Variants in CNOT2 observed in about 807,000 individuals in gnomAD.
CNOT2 encodes CC chemokine receptor 4-negative regulator of transcription 2.
A neutral mutation model predicts 72.1 loss-of-function variants in CNOT2; 7 were observed. The ratio of observed to expected loss-of-function variants is 0.10; its 90% CI spans 0.06 to 0.18. The LOEUF (loss-of-function observed/expected upper bound fraction) is 0.18. CNOT2 is among the 10% of genes least tolerant of loss of function. The pLI is 1.00. For synonymous variants in CNOT2, 196 were observed against 225.6 expected (o/e 0.87, Z 1.17); for missense variants, 345 against 660.3 (o/e 0.52, Z 5.23).
At chr12:70,264,258 G>A (rs1012828904) in intron 1 of CNOT2, among the ~76,000 whole-genome samples, 35 of 152,290 alleles carry the variant, frequency 2.3e-4, no homozygotes, top group African/African-American at 7.7e-4. Context: ...TAGCTAGCCC[G>A]TGGTTTAACT....
chr12:70,328,614 G>T (rs772709444), intron 4 of CNOT2, among the ~76,000 whole-genome samples: 12 of 151,366 alleles, frequency 7.9e-5, no homozygotes, highest in Non-Finnish European at 1.5e-4. Context: ...TAATTCCTAT[G>T]ATCTGAATAA....
At chr12:70,316,100 T>C (rs1877286192) in intron 3 of CNOT2, among the ~76,000 whole-genome samples, 1 of 152,120 alleles carries the variant, frequency 6.6e-6, no homozygotes, top group South Asian at 2.1e-4. Context: ...ATTTTCATTT[T>C]ATAGGAAGGA....
At chr12:70,353,506 A>G (rs1187410170) in intron 15 of CNOT2, among the ~76,000 whole-genome samples, 3 of 152,160 alleles carry the variant, frequency 2.0e-5, no homozygotes, top group Admixed American at 6.5e-5. Flanking sequence ...TGTAATTTCC[A>G]GTGATTCAGA....
chr12:70,265,669 A>T, intron 1 of CNOT2, among the ~76,000 whole-genome samples: 1 of 148,508 alleles, frequency 6.7e-6, no homozygotes, highest in South Asian at 2.1e-4. Context: ...ATTTTTGTTT[A>T]CTTTTGGTTT....
intron 11 of CNOT2, among the ~76,000 whole-genome samples, chr12:70,340,035 T>A (rs978038241): frequency 2.6e-5 from 4 of 152,180 alleles, no homozygotes; most frequent in Non-Finnish European, 5.9e-5. Context: ...TCCAACCTCC[T>A]CCGTAAGTTA....
At chr12:70,268,935 T>C (rs1449676794) in intron 1 of CNOT2, among the ~76,000 whole-genome samples, 1 of 152,246 alleles carries the variant, frequency 6.6e-6, no homozygotes, top group Non-Finnish European at 1.5e-5. Flanking sequence ...TTTTAAACAC[T>C]TGAGTTGGCA....
intron 15 of CNOT2, among the ~76,000 whole-genome samples, chr12:70,350,507 C>T (rs1171367644): frequency 6.6e-6 from 1 of 152,066 alleles, no homozygotes; most frequent in Non-Finnish European, 1.5e-5. Context: ...CATTCTGATT[C>T]AAAAATCTAA....
At chr12:70,276,116 C>T (rs1868745100) in intron 1 of CNOT2, among the ~76,000 whole-genome samples, 1 of 151,912 alleles carries the variant, frequency 6.6e-6, no homozygotes, top group Non-Finnish European at 1.5e-5. Context: ...TAGATTTTCC[C>T]TTTATACAAA....
chr12:70,281,234 G>A (rs1038537448), intron 2 of CNOT2, among the ~76,000 whole-genome samples: 1 of 151,916 alleles, frequency 6.6e-6, no homozygotes, highest in East Asian at 1.9e-4. Context: ...ACAGGCGTGC[G>A]CCACCACACC....
chr12:70,345,501 G>T (rs2136078478), intron 14 of CNOT2: 1 of 152,176 alleles, frequency 6.6e-6, no homozygotes, highest in South Asian at 2.1e-4. Flanking sequence ...CATGACGTTG[G>T]TAGGAAAGCA....
chr12:70,345,989 A>C, intron 14 of CNOT2, 191 bp from the exon 15 acceptor site: 3 of 495,760 alleles, frequency 6.1e-6, no homozygotes, highest in Non-Finnish European at 1.1e-5. Context: ...TTCTGGACAA[A>C]TTAAGAAATA....
intron 2 of CNOT2, among the ~76,000 whole-genome samples, chr12:70,303,912 T>G (rs548125264): frequency 6.6e-6 from 1 of 152,196 alleles, no homozygotes; most frequent in Admixed American, 6.5e-5. Context: ...GTTTATTTCT[T>G]TTTATTCTTT....
intron 4 of CNOT2, among the ~76,000 whole-genome samples, chr12:70,325,811 T>C (rs1878987707): frequency 6.6e-6 from 1 of 151,822 alleles, no homozygotes; most frequent in Non-Finnish European, 1.5e-5. Context: ...CTTTAAGGCA[T>C]CAGTTAAGGA....
chr12:70,316,120 T>C (rs1171130437), intron 3 of CNOT2, among the ~76,000 whole-genome samples: 1 of 152,170 alleles, frequency 6.6e-6, no homozygotes, highest in Non-Finnish European at 1.5e-5. Flanking sequence ...AAACCAAGTA[T>C]TGGTTGTTCC....
chr12:70,304,944 G>T (rs772920786), intron 2 of CNOT2, among the ~76,000 whole-genome samples: 2 of 152,222 alleles, frequency 1.3e-5, no homozygotes, highest in Non-Finnish European at 2.9e-5. Flanking sequence ...GCAATGAGCC[G>T]GGCTCCGTGG....
intron 2 of CNOT2, among the ~76,000 whole-genome samples, chr12:70,308,583 C>G (rs988017411): frequency 7.0e-6 from 1 of 142,738 alleles, no homozygotes. Flanking sequence ...CTCTCTCTCT[C>G]TCACACACAC....
chr12:70,248,483 C>T (rs1360953029), intron 1 of CNOT2, among the ~76,000 whole-genome samples: 3 of 152,074 alleles, frequency 2.0e-5, no homozygotes, highest in Non-Finnish European at 2.9e-5. Context: ...TGGAAATGTT[C>T]ACGTGTTTGA....
chr12:70,281,100 C>CT (rs1043431207), intron 2 of CNOT2, among the ~76,000 whole-genome samples: 90 of 88,864 alleles, frequency 1.0e-3, no homozygotes, highest in Non-Finnish European at 1.4e-3. Flanking sequence ...TTTTTTTTTT[C>CT]TTTTTTTTTG....
At chr12:70,244,559 A>C (rs1957783329) in intron 1 of CNOT2, among the ~76,000 whole-genome samples, 1 of 152,180 alleles carries the variant, frequency 6.6e-6, no homozygotes, top group Non-Finnish European at 1.5e-5. Context: ...TCTTACATTA[A>C]GGGTACCACC....
Sources: gnomAD v4.1 joint callset for allele counts (sites outside exome capture counted in the v4.1 genomes callset) on GRCh38, gnomAD v4.1.1 for gene constraint, MANE v1.5 for transcripts, NCBI Gene and HGNC (gene_info 2026-07-23, HGNC 2026-07-21) for gene names.